Variants in DPP10 observed in about 807,000 individuals in gnomAD.
The protein encoded by DPP10 is dipeptidyl peptidase like 10, also known as inactive dipeptidyl peptidase 10.
DPP10 carries 33 observed loss-of-function variants against 120.9 expected under a neutral mutation model. The ratio of observed to expected loss-of-function variants is 0.27; its 90% CI spans 0.21 to 0.37. The LOEUF is 0.37. Ranked by LOEUF, DPP10 falls within the 10% of genes least tolerant of loss-of-function variation. DPP10 has a pLI of 1.00. For missense variants in DPP10, 816 were observed against 942.8 expected (o/e 0.87, Z 1.76); for synonymous variants, 337 against 326.1 (o/e 1.03, Z -0.36).
At chr2:114,700,641 C>T (rs949781583) in intron 1 of DPP10, among the ~76,000 whole-genome samples, 5 of 152,112 alleles carry the variant, frequency 3.3e-5, no homozygotes, top group African/African-American at 9.7e-5. Flanking sequence ...GACCACGTCA[C>T]TTCCTCTGCC....
At chr2:114,513,801 T>C (rs370457494) in intron 1 of DPP10, among the ~76,000 whole-genome samples, 44 of 152,302 alleles carry the variant, frequency 2.9e-4, no homozygotes, top group African/African-American at 1.1e-3. Context: ...GAGAACCTCT[T>C]GCATAAGGAC....
At chr2:115,527,519 T>C (rs1240031933) in intron 5 of DPP10, among the ~76,000 whole-genome samples, 1 of 152,160 alleles carries the variant, frequency 6.6e-6, no homozygotes, top group Non-Finnish European at 1.5e-5. Flanking sequence ...CAAAGGAGGA[T>C]AAACTATTGT....
At chr2:115,570,605 A>T (rs1212075473) in intron 5 of DPP10, among the ~76,000 whole-genome samples, 2 of 152,184 alleles carry the variant, frequency 1.3e-5, no homozygotes. Context: ...TGAATGCCAA[A>T]TATTGGTTCT....
chr2:115,814,020 T>C (rs920357928), intron 19 of DPP10, among the ~76,000 whole-genome samples: 1 of 152,228 alleles, frequency 6.6e-6, no homozygotes, highest in Non-Finnish European at 1.5e-5. Context: ...GATTTTTTAC[T>C]TTTTCTGTAT....
intron 1 of DPP10, among the ~76,000 whole-genome samples, chr2:115,269,395 C>T (rs1198228873): frequency 6.6e-6 from 1 of 152,160 alleles, no homozygotes; most frequent in Non-Finnish European, 1.5e-5. Flanking sequence ...CTCATTATCT[C>T]ACAGTTCCTT....
chr2:115,068,276 T>G (rs1707088526), intron 1 of DPP10, among the ~76,000 whole-genome samples: 1 of 152,126 alleles, frequency 6.6e-6, no homozygotes, highest in Admixed American at 6.5e-5. Flanking sequence ...TTCTAACAGG[T>G]GTGAGGTTAT....
At chr2:115,307,260 C>T (rs2061394517) in intron 1 of DPP10, among the ~76,000 whole-genome samples, 1 of 152,006 alleles carries the variant, frequency 6.6e-6, no homozygotes, top group South Asian at 2.1e-4. Context: ...GTAGACATTA[C>T]ATGGTTTTAT....
At chr2:115,045,423 T>A (rs952204836) in intron 1 of DPP10, among the ~76,000 whole-genome samples, 2 of 152,224 alleles carry the variant, frequency 1.3e-5, no homozygotes, top group Admixed American at 6.5e-5. Flanking sequence ...ATCAGCGTTC[T>A]ATAAATTTCC....
chr2:115,162,970 C>T (rs1203176805), intron 1 of DPP10, among the ~76,000 whole-genome samples: 2 of 151,920 alleles, frequency 1.3e-5, no homozygotes, highest in Non-Finnish European at 2.9e-5. Context: ...GGTGCGCTCA[C>T]GTTTGCATCA....
chr2:115,407,624 G>A (rs1306391649), intron 3 of DPP10, among the ~76,000 whole-genome samples: 1 of 152,036 alleles, frequency 6.6e-6, no homozygotes, highest in Non-Finnish European at 1.5e-5. Flanking sequence ...TCAAAAACCC[G>A]AGGTCTTTTA....
At chr2:114,560,261 A>C (rs1054411820) in intron 1 of DPP10, among the ~76,000 whole-genome samples, 1 of 152,190 alleles carries the variant, frequency 6.6e-6, no homozygotes, top group Non-Finnish European at 1.5e-5. Context: ...GAAGAGGAGA[A>C]GCATTCACAG....
At chr2:115,168,657 C>T (rs557426914) in intron 1 of DPP10, among the ~76,000 whole-genome samples, 4 of 152,248 alleles carry the variant, frequency 2.6e-5, no homozygotes, top group South Asian at 4.1e-4. Flanking sequence ...TCTTTCTACA[C>T]GGTAGACATT....
At chr2:114,748,345 T>TC (rs1558698661) in intron 1 of DPP10, among the ~76,000 whole-genome samples, 3 of 130,736 alleles carry the variant, frequency 2.3e-5, no homozygotes, top group Non-Finnish European at 3.1e-5. Flanking sequence ...TTTCTTTTTT[T>TC]TTTTTATTTT....
intron 1 of DPP10, among the ~76,000 whole-genome samples, chr2:114,574,924 T>C (rs1377857462): frequency 6.6e-6 from 1 of 152,120 alleles, no homozygotes; most frequent in Non-Finnish European, 1.5e-5. Context: ...TACCTGCTCT[T>C]AAGTAAGGCA....
intron 3 of DPP10, among the ~76,000 whole-genome samples, chr2:115,394,132 A>G (rs1454410246): frequency 2.0e-5 from 3 of 152,206 alleles, no homozygotes; most frequent in African/African-American, 2.4e-5. Flanking sequence ...TCTAAAAACT[A>G]GGAGGATACA....
At chr2:115,057,179 G>A (rs1054537653) in intron 1 of DPP10, among the ~76,000 whole-genome samples, 1 of 152,126 alleles carries the variant, frequency 6.6e-6, no homozygotes, top group Non-Finnish European at 1.5e-5. Flanking sequence ...TTAGATATGA[G>A]CTAAAAGAAA....
intron 5 of DPP10, among the ~76,000 whole-genome samples, chr2:115,575,437 G>T (rs997200627): frequency 4.6e-5 from 7 of 152,164 alleles, no homozygotes; most frequent in African/African-American, 1.7e-4. Context: ...AAGTGGAGCA[G>T]CCTAGGGGGG....
intron 1 of DPP10, among the ~76,000 whole-genome samples, chr2:114,892,884 GA>G (rs1177810249): frequency 6.6e-6 from 1 of 152,136 alleles, no homozygotes; most frequent in East Asian, 1.9e-4. Context: ...GATGGGAAGG[GA>G]AAAGTCCCAC....
chr2:115,221,824 G>C (rs2057186848), intron 1 of DPP10, among the ~76,000 whole-genome samples: 1 of 139,928 alleles, frequency 7.1e-6, no homozygotes, highest in Non-Finnish European at 1.5e-5. Flanking sequence ...ATTTCTGGAA[G>C]CAAAACTAAT....
Sources: gnomAD v4.1 joint callset for allele counts (sites outside exome capture counted in the v4.1 genomes callset) on GRCh38, gnomAD v4.1.1 for gene constraint, MANE v1.5 for transcripts, NCBI Gene and HGNC (gene_info 2026-07-23, HGNC 2026-07-21) for gene names.